The following WDR48 variants were observed in gnomAD, a reference collection of about 807,000 sequenced individuals.
The protein encoded by WDR48 is WD repeat-containing protein 48.
A neutral mutation model predicts 94.0 loss-of-function variants in WDR48; 22 were observed. The ratio of observed to expected loss-of-function variants is 0.23; its 90% CI spans 0.17 to 0.33. WDR48 has a LOEUF of 0.33. Among genes scored for constraint, WDR48 ranks in the 10% least tolerant of loss-of-function variants. The probability of loss-of-function intolerance (pLI) is 1.00; values close to 1 mark genes in which losing one functional copy is unlikely to be tolerated. For missense variants in WDR48, 541 were observed against 813.8 expected (o/e 0.66, Z 4.08); for synonymous variants, 278 against 280.5 (o/e 0.99, Z 0.09).
At chr3:39,061,510 T>C (rs147173884) in intron 1 of WDR48, among the ~76,000 whole-genome samples, 2,187 of 152,292 alleles carry the variant, frequency 0.014, 20 homozygotes, top group Non-Finnish European at 0.018. Context: ...TGATGGACAT[T>C]TGGGTTGGTT....
intron 10 of WDR48, 78 bp from the exon 11 acceptor site, chr3:39,079,633 C>A: frequency 1.0e-6 from 1 of 1,000,094 alleles, no homozygotes; most frequent in Non-Finnish European, 1.5e-6. Context: ...TGTTAGATAC[C>A]AGTTAACAAT....
chr3:39,077,295 C>A, intron 9 of WDR48, 82 bp downstream of exon 9: 1 of 1,473,642 alleles, frequency 6.8e-7, no homozygotes, highest in South Asian at 1.2e-5. Context: ...TGCAAATGCT[C>A]AGTGTGGCCC....
chr3:39,088,354 GGGATT>G, intron 15 of WDR48, 121 bp downstream of exon 15: 1 of 930,902 alleles, frequency 1.1e-6, no homozygotes, highest in South Asian at 1.6e-5. Context: ...AGGGATGCCA[GGGATT>G]GGAAGCATCC....
chr3:39,075,716 C>T (rs1268684459), intron 8 of WDR48, among the ~76,000 whole-genome samples: 9 of 149,764 alleles, frequency 6.0e-5, no homozygotes, highest in African/African-American at 1.2e-4. Context: ...TTTTTTGAGA[C>T]GGAGTCTTGC....
chr3:39,089,974 T>C (rs995091811), intron 16 of WDR48: 1 of 152,230 alleles, frequency 6.6e-6, no homozygotes, highest in Non-Finnish European at 1.5e-5. Flanking sequence ...CTTGTACATA[T>C]ATCTTTGTGT....
intron 2 of WDR48, among the ~76,000 whole-genome samples, chr3:39,065,003 C>G (rs912856257): frequency 1.3e-5 from 2 of 152,192 alleles, no homozygotes; most frequent in Non-Finnish European, 2.9e-5. Context: ...TGTCTTGCCC[C>G]AAACATCTTT....
intron 8 of WDR48, among the ~76,000 whole-genome samples, chr3:39,075,666 C>T (rs1247019430): frequency 6.6e-6 from 1 of 151,988 alleles, no homozygotes. Flanking sequence ...CAGAATTTCA[C>T]ATTAAAACAA....
At chr3:39,074,642 G>A in intron 7 of WDR48, 84 bp from the exon 8 acceptor site, 2 of 1,321,998 alleles carry the variant, frequency 1.5e-6, no homozygotes, top group Admixed American at 3.8e-5. Flanking sequence ...GTTTGACAGT[G>A]TGGACTCGGG....
rs190298494 is a variant in WDR48, at chr3:39,059,827, T to A, written c.49-3223T>A. On this transcript the variant is annotated intron_variant, in intron 1 of 18. Transcript: ENST00000302313. ...GGGGAAACAAAAATGGCAGTTATTT[T>A]AAAAAATTCTTGTATTATAGGTAAA... is the stretch of plus-strand genomic sequence containing the variant. Among the ~76,000 whole-genome samples the A allele has an allele frequency of 7.8e-4, 119 of 152,350 alleles. 1 individual carries two copies. The East Asian group carries it at 0.019, about 25-fold the overall frequency.
intron 2 of WDR48, 151 bp from the exon 3 acceptor site, chr3:39,065,659 AC>A: frequency 4.2e-6 from 2 of 477,426 alleles, no homozygotes; most frequent in Non-Finnish European, 7.3e-6. Flanking sequence ...TGGAAGCATC[AC>A]CTATTTGGTG....
intron 1 of WDR48, among the ~76,000 whole-genome samples, chr3:39,061,424 T>C (rs1184817996): frequency 2.0e-5 from 3 of 152,212 alleles, no homozygotes; most frequent in African/African-American, 7.2e-5. Flanking sequence ...GCAAAGGACA[T>C]GAACTCATCC....
chr3:39,052,596 C>A (rs1268469028), intron 1 of WDR48: 1 of 155,566 alleles, frequency 6.4e-6, no homozygotes, highest in Non-Finnish European at 1.4e-5. Flanking sequence ...GGGAGCTGTC[C>A]CCTGGGTAGG....
At chr3:39,078,319 C>A (rs1330052530) in intron 10 of WDR48, 80 bp downstream of exon 10, 4 of 963,410 alleles carry the variant, frequency 4.2e-6, no homozygotes, top group South Asian at 1.5e-5. Flanking sequence ...AAGACAATGA[C>A]CTTTCTTTAA....
chr3:39,086,421 C>CA, intron 14 of WDR48: 1 of 152,292 alleles, frequency 6.6e-6, no homozygotes, highest in Non-Finnish European at 1.5e-5. Context: ...TTCTGGCTGT[C>CA]AGATTCACCC....
At chr3:39,072,119 A>G (rs1209766302) in intron 7 of WDR48, among the ~76,000 whole-genome samples, 3 of 152,232 alleles carry the variant, frequency 2.0e-5, no homozygotes, top group Admixed American at 2.0e-4. Context: ...AATGAATCCC[A>G]TGAATATCTA....
chr3:39,057,448 C>G (rs771400713), intron 1 of WDR48, among the ~76,000 whole-genome samples: 2 of 152,102 alleles, frequency 1.3e-5, no homozygotes, highest in Non-Finnish European at 2.9e-5. Context: ...ACAGTCATTA[C>G]TATTTGATTT....
chr3:39,073,743 C>A (rs987220238), intron 7 of WDR48, among the ~76,000 whole-genome samples: 1 of 152,286 alleles, frequency 6.6e-6, no homozygotes, highest in Non-Finnish European at 1.5e-5. Context: ...CTTGAGCCAT[C>A]AGAAATTGTC....
chr3:39,069,629 A>G lies in WDR48; in HGVS notation c.571-14A>G, dbSNP rs2033813695. On this transcript the variant is annotated splice_polypyrimidine_tract_variant and intron_variant, in intron 6 of 18. Coordinates refer to ENST00000302313, the MANE Select transcript of WDR48 (RefSeq NM_020839.4). ...ATATATTTAGTTTGTGTAATACTCT[A>G]TTAAAATTCACAGGTGTTACGGGTA... The G allele has an allele frequency of 6.3e-7, 1 of 1,599,452 alleles. No homozygotes were observed. The highest frequency in any genetic ancestry group is 1.1e-5 in the South Asian group (1 of 90,448).
In WDR48 at chr3:39,091,699, AAAGT is replaced by A; in HGVS notation, c.1745+5_1745+8del. 1 of 1,600,682 alleles carries A rather than the reference AAAGT, an allele frequency of 6.2e-7. No homozygotes were observed. Among genetic ancestry groups the A allele is most frequent in the Non-Finnish European group, 8.5e-7 (1 of 1,174,836 alleles). On this transcript the variant is annotated splice_donor_variant and coding_sequence_variant, in exon 17 of 19. Coordinates refer to ENST00000302313, the MANE Select transcript of WDR48 (RefSeq NM_020839.4). LOFTEE classifies it high-confidence loss of function. Reference sequence around the variant, plus strand: ...CATCTTCAGGAGCAAAAACCTTAAAAAAGTAAGTAAATATATGGTTTCTTGATCT... The same window carrying A: ...CATCTTCAGGAGCAAAAACCTTAAAAAAGTAAATATATGGTTTCTTGATCT...
Sources: gnomAD v4.1 joint callset for allele counts (sites outside exome capture counted in the v4.1 genomes callset) on GRCh38, gnomAD v4.1.1 for gene constraint, MANE v1.5 for transcripts, NCBI Gene and HGNC (gene_info 2026-07-23, HGNC 2026-07-21) for gene names.